CECR2: variants seen among roughly 807,000 people sequenced by gnomAD.
CECR2 encodes chromatin remodeling regulator CECR2.
CECR2 carries 30 observed loss-of-function variants against 154.5 expected under a neutral mutation model. The observed-to-expected ratio is 0.19, with a 90% CI of 0.15 to 0.26. The LOEUF is 0.26. Ranked by LOEUF, CECR2 falls within the 10% of genes least tolerant of loss-of-function variation. CECR2 has a pLI of 1.00. For synonymous variants in CECR2, 725 were observed against 683.7 expected (o/e 1.06, Z -0.94); for missense variants, 1,743 against 1,829.3 (o/e 0.95, Z 0.86).
chr22:17,399,561 G>C (rs1014500444), intron 1 of CECR2, among the ~76,000 whole-genome samples: 1 of 152,000 alleles, frequency 6.6e-6, no homozygotes, highest in African/African-American at 2.4e-5. Context: ...GGGATTACAG[G>C]CACGCGCCAC....
intron 1 of CECR2, among the ~76,000 whole-genome samples, chr22:17,418,374 G>C (rs1311008534): frequency 6.6e-6 from 1 of 152,188 alleles, no homozygotes; most frequent in East Asian, 1.9e-4. Flanking sequence ...CTGTAGCTTA[G>C]TGGTTCATTT....
intron 1 of CECR2, among the ~76,000 whole-genome samples, chr22:17,474,746 A>C (rs2055181464): frequency 6.6e-6 from 1 of 152,238 alleles, no homozygotes; most frequent in Non-Finnish European, 1.5e-5. Context: ...GAGATGCCAC[A>C]TGAACCATAC....
At position 17,549,003 on chromosome 22, in the gene CECR2, A is replaced by G; in HGVS notation, c.3716A>G (p.Asp1239Gly). 1 of 1,613,982 alleles carries G rather than the reference A, an allele frequency of 6.2e-7. No homozygotes were observed. The highest frequency in any genetic ancestry group is 8.5e-7 in the Non-Finnish European group (1 of 1,179,898). ...QPPPPRSLFSDKNAMASLQGC... is the reference protein window; with the variant it reads ...QPPPPRSLFSGKNAMASLQGC... The stretch of plus-strand genomic sequence containing the variant: ...CCCCCACCAAGGTCCCTCTTCTCAG[A>G]TAAGAATGCCATGGCCAGTCTGCAA... The change falls in exon 17 of 19, where the codon GAT (aspartate) becomes GGT (glycine). Residue 1239 changes from aspartate (D) to glycine (G), a missense_variant. Physicochemically the swap from Asp to Gly is moderately conservative, Grantham distance 94. This residue lies in a region of CECR2 where 1,250 missense variants were observed against 1,192.1 expected (regional missense o/e 1.05). Coordinates refer to ENST00000262608, the MANE Select transcript of CECR2 (RefSeq NM_001290047.2).
chr22:17,361,498 AC>A (rs1047134965), intron 1 of CECR2, among the ~76,000 whole-genome samples: 2 of 141,144 alleles, frequency 1.4e-5, no homozygotes, highest in African/African-American at 2.7e-5. Context: ...AACAAACAAC[AC>A]CCCCCACCCA....
chr22:17,421,593 C>G (rs1430107341), intron 1 of CECR2, among the ~76,000 whole-genome samples: 17 of 103,742 alleles, frequency 1.6e-4, no homozygotes, highest in Non-Finnish European at 2.3e-4. Context: ...CCAGCCTGGG[C>G]GACAGAGCGA....
intron 1 of CECR2, among the ~76,000 whole-genome samples, chr22:17,439,969 T>C (rs996741817): frequency 1.3e-5 from 2 of 151,786 alleles, no homozygotes; most frequent in Non-Finnish European, 2.9e-5. Context: ...AGATAGAAAA[T>C]GTGCAGGCAA....
At chr22:17,551,888 A>G (rs2056713646) in intron 17 of CECR2, 143 bp from the exon 18 acceptor site, 1 of 716,468 alleles carries the variant, frequency 1.4e-6, no homozygotes, top group African/African-American at 1.8e-5. Context: ...GGGGCACAGA[A>G]TGTCGAGTTG....
In CECR2 at chr22:17,453,180, G is replaced by A. The variant is rs536010079; in HGVS notation, c.127-24408G>A. 2.6e-5 allele frequency among the ~76,000 whole-genome samples: 4 copies of A among 152,254 alleles called. No individual in the cohort carries two copies. In the South Asian group the frequency reaches 6.2e-4, roughly 24 times the overall value. On this transcript the variant is annotated intron_variant, in intron 1 of 18. Coordinates refer to ENST00000262608, the MANE Select transcript of CECR2 (RefSeq NM_001290047.2). Reference sequence around the variant, plus strand: ...GTATGGGCCGGTCACAGTGACTTACGCCCGTAGTCCCAGAACTTTGGGAGG... The same window carrying A: ...GTATGGGCCGGTCACAGTGACTTACACCCGTAGTCCCAGAACTTTGGGAGG...
intron 6 of CECR2, among the ~76,000 whole-genome samples, chr22:17,504,174 C>T (rs2055791742): frequency 6.6e-6 from 1 of 151,818 alleles, no homozygotes; most frequent in Non-Finnish European, 1.5e-5. Context: ...GAATTAGAGC[C>T]CAGCCTGGAC....
intron 2 of CECR2, among the ~76,000 whole-genome samples, chr22:17,495,953 A>C (rs1322291010): frequency 6.6e-6 from 1 of 150,904 alleles, no homozygotes; most frequent in Non-Finnish European, 1.5e-5. Flanking sequence ...AGGTGGGAGG[A>C]TTGCTTGAGC....
chr22:17,428,182 C>T (rs1555908287), intron 1 of CECR2: 1 of 151,956 alleles, frequency 6.6e-6, no homozygotes, highest in African/African-American at 2.4e-5. Context: ...TTGTTTTTTT[C>T]TTGTAAATTT....
intron 1 of CECR2, among the ~76,000 whole-genome samples, chr22:17,373,304 G>A (rs1490786673): frequency 2.0e-5 from 3 of 152,060 alleles, no homozygotes; most frequent in East Asian, 1.9e-4. Context: ...AAGAGTCAAC[G>A]AATACTTGGT....
chr22:17,408,640 G>A (rs997413441), intron 1 of CECR2, among the ~76,000 whole-genome samples: 5 of 152,200 alleles, frequency 3.3e-5, no homozygotes, highest in Admixed American at 2.6e-4. Flanking sequence ...CTTGGAATGA[G>A]AAGTTAATGC....
At position 17,494,288 on chromosome 22, in the gene CECR2, G is replaced by A. The variant is rs947940313; in HGVS notation, c.222-3115G>A. Among the ~76,000 whole-genome samples the A allele has an allele frequency of 3.9e-5, 6 of 152,150 alleles. No individual in the cohort carries two copies. The East Asian group carries it at 7.7e-4, about 20-fold the overall frequency. On this transcript the variant is annotated intron_variant, in intron 2 of 18. Coordinates refer to ENST00000262608, the MANE Select transcript of CECR2 (RefSeq NM_001290047.2). The stretch of plus-strand genomic sequence containing the variant: ...ATTTTGTATTTACTTTAGTAGAGAC[G>A]GGGTTTCTCCATGTCGGCCTCCCAA...
At chr22:17,418,579 T>G (rs2054189625) in intron 1 of CECR2, 1 of 159,290 alleles carries the variant, frequency 6.3e-6, no homozygotes, top group African/African-American at 2.4e-5. Flanking sequence ...CTAACTTTGT[T>G]TAAGTATTGT....
intron 1 of CECR2, among the ~76,000 whole-genome samples, chr22:17,380,016 T>G (rs947744625): frequency 6.6e-6 from 1 of 152,168 alleles, no homozygotes; most frequent in Non-Finnish European, 1.5e-5. Flanking sequence ...TGTCTTGTTT[T>G]TTATTCTTTA....
chr22:17,446,514 G>C (rs993013600), intron 1 of CECR2, among the ~76,000 whole-genome samples: 1 of 152,100 alleles, frequency 6.6e-6, no homozygotes, highest in Non-Finnish European at 1.5e-5. Flanking sequence ...TCAGGGGATC[G>C]AGACCATCCT....
At chr22:17,449,781 GC>G (rs1197028930) in intron 1 of CECR2, among the ~76,000 whole-genome samples, 1 of 152,044 alleles carries the variant, frequency 6.6e-6, no homozygotes, top group African/African-American at 2.4e-5. Context: ...GAGCCACCAC[GC>G]CCAGCCCAAC....
intron 9 of CECR2, among the ~76,000 whole-genome samples, chr22:17,524,676 G>A (rs2056226385): frequency 7.7e-6 from 1 of 130,010 alleles, no homozygotes; most frequent in Non-Finnish European, 1.6e-5. Context: ...ACAGGCATGA[G>A]CCACCATGCC....
Sources: gnomAD v4.1 joint callset for allele counts (sites outside exome capture counted in the v4.1 genomes callset) on GRCh38, gnomAD v4.1.1 for gene constraint, gnomAD v4.1.1 regional missense constraint, MANE v1.5 for transcripts, NCBI Gene and HGNC (gene_info 2026-07-23, HGNC 2026-07-21) for gene names.